The following PHLDB1 variants were observed in gnomAD, a reference collection of about 807,000 sequenced individuals.
PHLDB1 encodes the protein pleckstrin homology like domain family B member 1.
PHLDB1 carries 65 observed loss-of-function variants against 139.3 expected under a neutral mutation model. That is an observed-to-expected ratio of 0.47 (90% CI 0.38 to 0.57). PHLDB1 has a LOEUF of 0.57. Ranked by LOEUF, PHLDB1 falls within the 20% of genes least tolerant of loss-of-function variation. The pLI is 0.00. For synonymous variants in PHLDB1, 679 were observed against 734.5 expected (o/e 0.92, Z 1.22); for missense variants, 1,624 against 1,839.7 (o/e 0.88, Z 2.14).
chr11:118,619,643 G>A (rs189133450), intron 4 of PHLDB1, among the ~76,000 whole-genome samples: 47 of 152,234 alleles, frequency 3.1e-4, no homozygotes, highest in East Asian at 2.9e-3. Flanking sequence ...TTTCCAGACC[G>A]ATGAATCACT....
chr11:118,607,931 C>G (rs1939431670), intron 1 of PHLDB1, among the ~76,000 whole-genome samples: 1 of 152,102 alleles, frequency 6.6e-6, no homozygotes, highest in African/African-American at 2.4e-5. Context: ...TCGGCCGCTG[C>G]CAACGCCACC....
chr11:118,625,493 G>A (rs1555100383), intron 5 of PHLDB1, among the ~76,000 whole-genome samples: 1 of 152,240 alleles, frequency 6.6e-6, no homozygotes, highest in African/African-American at 2.4e-5. Flanking sequence ...CCTGCCCGCT[G>A]ATGACTCAGT....
Position 118,608,644 on chromosome 11 carries a change from C to G in PHLDB1, c.-22+945C>G, listed in dbSNP as rs1489307336. Among the ~76,000 whole-genome samples the G allele has an allele frequency of 6.6e-6, 1 of 152,164 alleles. No homozygotes were observed. Among genetic ancestry groups the G allele is most frequent in the Non-Finnish European group, 1.5e-5 (1 of 67,998 alleles). On this transcript the variant is annotated intron_variant, in intron 1 of 22. Transcript: ENST00000600882. This position sits in a 1 kb window ranked among gnomAD's most constrained non-coding sequence, Gnocchi z 6.7. ...CTCATCGGGCGGCGGGCTCACCCCC[C>G]AGCCGTCAAACGCAAACGCAGGCGC...
intron 9 of PHLDB1, 105 bp from the exon 10 acceptor site, chr11:118,635,288 T>C (rs1945457978): frequency 3.0e-6 from 4 of 1,341,160 alleles, no homozygotes; most frequent in Non-Finnish European, 1.0e-6. Context: ...TTACCCAATT[T>C]CCCCGGGTCC....
chr11:118,647,127 C>CT (rs1253561210), intron 17 of PHLDB1: 4 of 152,130 alleles, frequency 2.6e-5, no homozygotes, highest in Non-Finnish European at 5.9e-5. Context: ...TCTCTAGTCA[C>CT]TTTTTTCCCA....
rs529256132 is a variant in PHLDB1 at position 118,657,143 on chromosome 11, C to G, written c.*320C>G. 1 of 208,798 alleles carries G rather than the reference C, an allele frequency of 4.8e-6. No individual in the cohort carries two copies. Among genetic ancestry groups the G allele is most frequent in the African/African-American group, 2.3e-5 (1 of 43,736 alleles). The allele number at this position is 208,798 out of a possible 1,614,324, so 12.9% of individuals were successfully genotyped here. ...GGTACCATAAGCTGCCAAAGATCCC[C>G]TCCTGCCTCAGACCCCTTTGCCAGG... On this transcript the variant is annotated 3_prime_UTR_variant, in exon 23 of 23. Coordinates refer to ENST00000600882, the MANE Select transcript of PHLDB1 (RefSeq NM_001144758.3).
At chr11:118,615,710 A>G in intron 3 of PHLDB1, 1 of 278,836 alleles carries the variant, frequency 3.6e-6, no homozygotes. Flanking sequence ...GATAAAGGAC[A>G]ATAGGGAGAG....
At chr11:118,639,138 G>T in intron 11 of PHLDB1, 24 bp from the exon 12 acceptor site, 1 of 1,611,066 alleles carries the variant, frequency 6.2e-7, no homozygotes. Context: ...ACTCCTCTTT[G>T]ACTCTGCCAT....
Position 118,657,035 on chromosome 11 carries a change from GGA to G in PHLDB1, c.*214_*215del. On this transcript the variant is annotated 3_prime_UTR_variant, in exon 23 of 23. Coordinates refer to ENST00000600882, the MANE Select transcript of PHLDB1 (RefSeq NM_001144758.3). The stretch of plus-strand genomic sequence containing the variant: ...CTGCCCCAGGCCCAGCCAGGGCTGA[GGA>G]GCTGTCACAGAGAGGGCCTCAGCTC... The G allele has an allele frequency of 2.1e-6, 1 of 474,858 alleles. No homozygotes were observed. The highest frequency in any genetic ancestry group is 3.9e-5 in the South Asian group (1 of 25,562). 29.4% of individuals were successfully genotyped at this position (474,858 alleles called of 1,614,324 possible). A position where few individuals can be genotyped will look rare whatever the true frequency, so the allele number is the denominator to read the frequency against.
intron 18 of PHLDB1, among the ~76,000 whole-genome samples, chr11:118,649,405 C>G (rs1948036234): frequency 6.6e-6 from 1 of 152,200 alleles, no homozygotes; most frequent in Non-Finnish European, 1.5e-5. Context: ...CTCTTCTAGC[C>G]CCTGTCCTGG....
intron 20 of PHLDB1, chr11:118,653,791 A>C (rs1383746392): frequency 6.6e-6 from 1 of 152,248 alleles, no homozygotes; most frequent in African/African-American, 2.4e-5. Flanking sequence ...AGGAGGATTC[A>C]GATTCAGCAT....
rs140876224 is a variant in PHLDB1 at position 118,639,204 on chromosome 11, C to T, written c.2689C>T (p.Leu897Phe). Residue 897 changes from leucine to phenylalanine, a missense_variant, in exon 12 of 23, where the codon CTC (leucine) becomes TTC (phenylalanine). Leu to Phe is a conservative substitution (Grantham distance 22). Transcript: ENST00000600882. Reference protein sequence around the residue: ...LTVLERRYHSLTGGRPFPKTT... With the variant: ...LTVLERRYHSFTGGRPFPKTT... ...TGTGCTGGAAAGGAGATACCACTCA[C>T]TCACAGGGGGCAGGCCTTTCCCGAA... 6.2e-7 allele frequency: 1 copy of T among 1,614,004 alleles called. No individual in the cohort carries two copies. The highest frequency in any genetic ancestry group is 8.5e-7 in the Non-Finnish European group (1 of 1,179,962).
chr11:118,617,625 G>A (rs1056189790), intron 4 of PHLDB1, among the ~76,000 whole-genome samples: 3 of 152,008 alleles, frequency 2.0e-5, no homozygotes, highest in African/African-American at 4.8e-5. Context: ...GCCACCGCCC[G>A]GCTAATTTTT....
Position 118,607,651 on chromosome 11 carries a change from C to T in PHLDB1, c.-70C>T, listed in dbSNP as rs1555080012. On this transcript the variant is annotated 5_prime_UTR_variant, in exon 1 of 23. Transcript: ENST00000600882. Reference sequence around the variant, plus strand: ...AAGCCTGAGGCCACCGCGACCGAGCCGAGCCAGGCTAAGGGACCAGTGTCT... The same window carrying T: ...AAGCCTGAGGCCACCGCGACCGAGCTGAGCCAGGCTAAGGGACCAGTGTCT... 1 of 151,586 alleles carries T rather than the reference C, an allele frequency of 6.6e-6. No individual in the cohort carries two copies. Among genetic ancestry groups the T allele is most frequent in the East Asian group, 2.0e-4 (1 of 5,128 alleles). The allele number at this position is 151,586 out of a possible 1,614,324, so 9.4% of individuals were successfully genotyped here. A position where few individuals can be genotyped will look rare whatever the true frequency, so the allele number is the denominator to read the frequency against.
rs548477462 is a variant in PHLDB1 at position 118,630,164 on chromosome 11, A to G, written c.1828-1043A>G. 2.2e-4 allele frequency: 188 copies of G among 839,302 alleles called. 2 individuals are homozygous for G. In the South Asian group the frequency reaches 2.6e-3, roughly 11 times the overall value. 52.0% of individuals were successfully genotyped at this position (839,302 alleles called of 1,614,324 possible). A position where few individuals can be genotyped will look rare whatever the true frequency, so the allele number is the denominator to read the frequency against. On this transcript the variant is annotated intron_variant, in intron 6 of 22. Coordinates refer to ENST00000600882, the MANE Select transcript of PHLDB1 (RefSeq NM_001144758.3). ...ATGGCCAAACTGTAAGTGATGAGAG[A>G]CACTTGAGGAGGTCTAGGGACCCTA... is the stretch of plus-strand genomic sequence containing the variant.
rs1345003790 is a variant in PHLDB1 at position 118,611,936 on chromosome 11, C to T, written c.-21-1880C>T. The stretch of plus-strand genomic sequence containing the variant: ...ACAGTCCTTTTTAAAAAACTGACAG[C>T]TTTATTGAGGTATAATTTATATACT... On this transcript the variant is annotated intron_variant, in intron 1 of 22. Coordinates refer to ENST00000600882, the MANE Select transcript of PHLDB1 (RefSeq NM_001144758.3). The surrounding 1 kb of genome is among the most constrained non-coding windows in gnomAD (Gnocchi z 4.7). 6.6e-6 allele frequency among the ~76,000 whole-genome samples: 1 copy of T among 151,980 alleles called. No individual in the cohort carries two copies. Among genetic ancestry groups the T allele is most frequent in the African/African-American group, 2.4e-5 (1 of 41,362 alleles).
chr11:118,631,405 TG>T lies in PHLDB1; in HGVS notation c.2029del (p.Glu677ArgfsTer38). 1 of 1,488,606 alleles carries T rather than the reference TG, an allele frequency of 6.7e-7. No homozygotes were observed. Among genetic ancestry groups the T allele is most frequent in the Non-Finnish European group, 8.9e-7 (1 of 1,119,366 alleles). The allele number at this position is 1,488,606 out of a possible 1,614,324, so 92.2% of individuals were successfully genotyped here. A position where few individuals can be genotyped will look rare whatever the true frequency, so the allele number is the denominator to read the frequency against. On this transcript the variant is annotated frameshift_variant, in exon 7 of 23. Coordinates refer to ENST00000600882, the MANE Select transcript of PHLDB1 (RefSeq NM_001144758.3). LOFTEE classifies it high-confidence loss of function. Reference protein sequence around the residue: ...EEPGVATQRLWESMERSDEEN... With the variant: ...EEPGVATQRLXESMERSDEEN... The stretch of plus-strand genomic sequence containing the variant: ...GCCTGGCGTTGCCACCCAACGCCTA[TG>T]GGAGAGTATGGAGCGCTCAGATGAG...
intron 9 of PHLDB1, chr11:118,634,947 C>T (rs782614516): frequency 4.4e-6 from 2 of 455,038 alleles, no homozygotes; most frequent in South Asian, 3.1e-5. Flanking sequence ...GGCCGCGGGA[C>T]GGAGGCACCT....
At chr11:118,623,336 C>G (rs1212907320) in intron 4 of PHLDB1, among the ~76,000 whole-genome samples, 1 of 152,204 alleles carries the variant, frequency 6.6e-6, no homozygotes, top group East Asian at 1.9e-4. Context: ...AGTAGCCCTC[C>G]AGCACCTGGT....
Sources: gnomAD v4.1 joint callset for allele counts (sites outside exome capture counted in the v4.1 genomes callset) on GRCh38, gnomAD v4.1.1 for gene constraint, Gnocchi (gnomAD v3.1) non-coding constraint, MANE v1.5 for transcripts, NCBI Gene and HGNC (gene_info 2026-07-23, HGNC 2026-07-21) for gene names.